Variants in PTPRN2 observed in about 807,000 individuals in gnomAD.
PTPRN2 encodes protein tyrosine phosphatase receptor type N2.
In PTPRN2, 74 loss-of-function variants were observed where a neutral mutation model predicts 118.8. The ratio of observed to expected loss-of-function variants is 0.62; its 90% CI spans 0.52 to 0.76. The LOEUF (loss-of-function observed/expected upper bound fraction) is 0.76, where lower values mean the gene tolerates loss of function less well. Among genes scored for constraint, PTPRN2 ranks in the 30% least tolerant of loss-of-function variants. The probability of loss-of-function intolerance (pLI) is 0.00; values close to 1 mark genes in which losing one functional copy is unlikely to be tolerated. For synonymous variants in PTPRN2, 641 were observed against 608.0 expected (o/e 1.05, Z -0.80); for missense variants, 1,481 against 1,394.4 (o/e 1.06, Z -0.99).
rs1330768900 is a variant in PTPRN2, at chr7:157,831,393, G to A, written c.1788+67280C>T. Among the ~76,000 whole-genome samples the A allele has an allele frequency of 2.0e-5, 3 of 152,150 alleles. No homozygotes were observed. The highest frequency in any genetic ancestry group is 2.1e-4 in the South Asian group (1 of 4,826). ...TTGGGGTTTTCTGTTATTTCTTCCC[G>A]AAGCATCTTAACTGATGCGGGTTCT... On this transcript the variant is annotated intron_variant, in intron 12 of 22. Coordinates refer to ENST00000389418, the MANE Select transcript of PTPRN2 (RefSeq NM_002847.5). The surrounding 1 kb of genome is among the most constrained non-coding windows in gnomAD (Gnocchi z 4.8).
At chr7:158,307,264 T>C (rs559073919) in intron 3 of PTPRN2, among the ~76,000 whole-genome samples, 5 of 152,146 alleles carry the variant, frequency 3.3e-5, no homozygotes, top group Admixed American at 6.5e-5. Context: ...ATAGAGAATA[T>C]GAATAAAAAG....
intron 2 of PTPRN2, among the ~76,000 whole-genome samples, chr7:158,442,541 G>A (rs964475039): frequency 6.6e-6 from 1 of 152,130 alleles, no homozygotes; most frequent in African/African-American, 2.4e-5. Flanking sequence ...TAAGAGATTT[G>A]GTAAGTGATA....
intron 4 of PTPRN2, among the ~76,000 whole-genome samples, chr7:158,200,435 AC>A (rs1174300506): frequency 6.6e-6 from 1 of 152,120 alleles, no homozygotes; most frequent in Non-Finnish European, 1.5e-5. Context: ...AAACACATCA[AC>A]CCCCAAAGAA....
At chr7:158,102,955 C>G (rs1330401141) in intron 10 of PTPRN2, among the ~76,000 whole-genome samples, 1 of 152,186 alleles carries the variant, frequency 6.6e-6, no homozygotes, top group Non-Finnish European at 1.5e-5. Context: ...GAGCTGAGTC[C>G]TAGACAGGGA....
At chr7:158,021,675 C>T (rs1490144306) in intron 11 of PTPRN2, among the ~76,000 whole-genome samples, 1 of 152,046 alleles carries the variant, frequency 6.6e-6, no homozygotes, top group Admixed American at 6.6e-5. Context: ...TGATGTCCAG[C>T]CTGCCAACCA....
At chr7:158,175,456 G>C (rs1316020451) in intron 5 of PTPRN2, among the ~76,000 whole-genome samples, 1 of 152,148 alleles carries the variant, frequency 6.6e-6, no homozygotes, top group Non-Finnish European at 1.5e-5. Flanking sequence ...GTCTCTCTCT[G>C]TGTCTCTGTC....
intron 3 of PTPRN2, among the ~76,000 whole-genome samples, chr7:158,315,548 G>T (rs115042700): frequency 6.7e-6 from 1 of 150,352 alleles, no homozygotes; most frequent in Non-Finnish European, 1.5e-5. Flanking sequence ...AGGTGAACCC[G>T]GGACCCCTGA....
At position 157,964,334 on chromosome 7, in the gene PTPRN2, C is replaced by T. The variant is rs559807356; in HGVS notation, c.1724-65597G>A. Among the ~76,000 whole-genome samples the T allele has an allele frequency of 1.6e-3, 248 of 152,162 alleles. No individual in the cohort carries two copies. The highest frequency in any genetic ancestry group is 2.5e-3 in the Non-Finnish European group (169 of 67,990). ...TAGAGATGTGGAAGCTGGACCCCAC[C>T]CCCCAGGCTAATTCATCAGCAAGAT... On this transcript the variant is annotated intron_variant, in intron 11 of 22. Coordinates refer to ENST00000389418, the MANE Select transcript of PTPRN2 (RefSeq NM_002847.5). This position sits in a 1 kb window ranked among gnomAD's most constrained non-coding sequence, Gnocchi z 9.0.
chr7:157,621,977 G>A (rs993510981), intron 14 of PTPRN2, among the ~76,000 whole-genome samples: 2 of 152,082 alleles, frequency 1.3e-5, no homozygotes, highest in Admixed American at 6.5e-5. Context: ...CTTCTAGCAT[G>A]AAACAAACAC....
chr7:157,910,641 A>G (rs1239321064), intron 11 of PTPRN2, among the ~76,000 whole-genome samples: 2 of 152,222 alleles, frequency 1.3e-5, no homozygotes, highest in Non-Finnish European at 2.9e-5. Flanking sequence ...TTTGTATGCA[A>G]AGCAAACCCA....
intron 3 of PTPRN2, among the ~76,000 whole-genome samples, chr7:158,292,994 G>A (rs1466662558): frequency 2.0e-5 from 3 of 152,126 alleles, no homozygotes; most frequent in Admixed American, 6.5e-5. Context: ...CTTGAACCAC[G>A]GAGGCAGAGG....
chr7:158,200,403 G>C (rs1345846854), intron 4 of PTPRN2, among the ~76,000 whole-genome samples: 1 of 152,202 alleles, frequency 6.6e-6, no homozygotes, highest in Admixed American at 6.5e-5. Context: ...CTAAGCAGCA[G>C]AGCCTCAGAG....
At chr7:158,208,839 C>A (rs1042775826) in intron 3 of PTPRN2, among the ~76,000 whole-genome samples, 1 of 152,072 alleles carries the variant, frequency 6.6e-6, no homozygotes, top group Non-Finnish European at 1.5e-5. Flanking sequence ...ATAACTCCAA[C>A]AACTTTTCAG....
chr7:157,805,869 A>C (rs1246502888), intron 12 of PTPRN2, among the ~76,000 whole-genome samples: 4 of 152,224 alleles, frequency 2.6e-5, no homozygotes, highest in Middle Eastern at 3.4e-3. Context: ...GAGGGACCCG[A>C]GTGCTTGGGG....
chr7:158,104,973 A>G (rs1282465964), intron 10 of PTPRN2, among the ~76,000 whole-genome samples: 1 of 126,790 alleles, frequency 7.9e-6, no homozygotes, highest in African/African-American at 3.1e-5. Context: ...ACTCCATCAG[A>G]ACTCCACTCA....
chr7:158,341,303 A>T (rs1806717854), intron 2 of PTPRN2, among the ~76,000 whole-genome samples: 1 of 151,304 alleles, frequency 6.6e-6, no homozygotes, highest in East Asian at 2.0e-4. Flanking sequence ...ACGCCCATAG[A>T]CGTCACTCAC....
Position 157,611,974 on chromosome 7 carries a change from G to C in PTPRN2, c.2345-7899C>G, listed in dbSNP as rs568608607. 4.2e-3 allele frequency among the ~76,000 whole-genome samples: 641 copies of C among 152,292 alleles called. 3 individuals are homozygous for C. The highest frequency in any genetic ancestry group is 6.2e-3 in the Non-Finnish European group (423 of 68,014). On this transcript the variant is annotated intron_variant, in intron 15 of 22. Transcript: ENST00000389418. The surrounding 1 kb of genome is among the most constrained non-coding windows in gnomAD (Gnocchi z 5.9). ...GCTGAGGAGCGAGGCCTCCAGAGAAGCCAGCCCTGCTGACACCCTGACCTC... is the reference window on the plus strand; with the variant it reads ...GCTGAGGAGCGAGGCCTCCAGAGAACCCAGCCCTGCTGACACCCTGACCTC...
intron 5 of PTPRN2, among the ~76,000 whole-genome samples, chr7:158,170,692 C>T (rs1225935798): frequency 6.6e-6 from 1 of 152,124 alleles, no homozygotes; most frequent in Admixed American, 6.5e-5. Context: ...ATCCCATAAC[C>T]AAGAGGGCCT....
At chr7:158,481,331 C>G (rs1820625469) in intron 2 of PTPRN2, among the ~76,000 whole-genome samples, 2 of 152,228 alleles carry the variant, frequency 1.3e-5, no homozygotes, top group Non-Finnish European at 1.5e-5. Context: ...CAAAATATGG[C>G]TGCTCATCAG....
Sources: gnomAD v4.1 joint callset for allele counts (sites outside exome capture counted in the v4.1 genomes callset) on GRCh38, gnomAD v4.1.1 for gene constraint, Gnocchi (gnomAD v3.1) non-coding constraint, MANE v1.5 for transcripts, NCBI Gene and HGNC (gene_info 2026-07-23, HGNC 2026-07-21) for gene names.